Variants in CPA6 observed in about 807,000 individuals in gnomAD.
The protein encoded by CPA6 is carboxypeptidase A6, also known as carboxypeptidase B.
In CPA6, 58 loss-of-function variants were observed where a neutral mutation model predicts 63.3. The observed-to-expected ratio is 0.92, with a 90% CI of 0.74 to 1.14. The LOEUF (loss-of-function observed/expected upper bound fraction) is 1.14, where lower values mean the gene tolerates loss of function less well. Among genes scored for constraint, CPA6 ranks in the 50% most tolerant of loss-of-function variants. The probability of loss-of-function intolerance (pLI) is 0.00; values close to 1 mark genes in which losing one functional copy is unlikely to be tolerated. For missense variants in CPA6, 565 were observed against 526.6 expected, an observed-to-expected ratio of 1.07 and a Z score of -0.71; for synonymous variants, 185 against 179.0, an observed-to-expected ratio of 1.03 and a Z score of -0.27.
chr8:67,606,084 A>G (rs981545539), intron 2 of CPA6, among the ~76,000 whole-genome samples: 1 of 123,764 alleles, frequency 8.1e-6, no homozygotes. Context: ...TTTCAAGGAC[A>G]AAAAAACAAA....
At chr8:67,506,348 G>A (rs933565083) in intron 6 of CPA6, among the ~76,000 whole-genome samples, 23 of 152,172 alleles carry the variant, frequency 1.5e-4, no homozygotes, top group African/African-American at 5.5e-4. Context: ...GAGGGCACAA[G>A]CAATCCCTTG....
chr8:67,679,216 A>G (rs1207529720), intron 1 of CPA6, among the ~76,000 whole-genome samples: 1 of 152,240 alleles, frequency 6.6e-6, no homozygotes, highest in East Asian at 1.9e-4. Flanking sequence ...AAAAGTTGAC[A>G]TTACAAAACA....
chr8:67,717,718 A>G (rs1016929687), intron 1 of CPA6, among the ~76,000 whole-genome samples: 68 of 152,338 alleles, frequency 4.5e-4, no homozygotes, highest in African/African-American at 1.6e-3. Flanking sequence ...CAGATGTGAT[A>G]AAGTTAAGGA....
At chr8:67,722,349 A>T (rs1390402926) in intron 1 of CPA6, among the ~76,000 whole-genome samples, 2 of 152,210 alleles carry the variant, frequency 1.3e-5, no homozygotes, top group Non-Finnish European at 2.9e-5. Context: ...CAATTTCTGG[A>T]TACTCCAATT....
At chr8:67,624,484 A>G (rs1479768446) in intron 1 of CPA6, among the ~76,000 whole-genome samples, 1 of 152,222 alleles carries the variant, frequency 6.6e-6, no homozygotes, top group African/African-American at 2.4e-5. Context: ...ACTCACATTT[A>G]ATGTTATAAA....
Position 67,422,400 on chromosome 8 carries a change from G to T in CPA6, c.*104C>A. ...GGGTCTTTTTAAAGTCCATAGACAT[G>T]TTCACTCTAAGCAGCTGCCCTTCTC... On this transcript the variant is annotated 3_prime_UTR_variant, in exon 11 of 11. Transcript: ENST00000297770. 4.1e-6 allele frequency: 4 copies of T among 966,872 alleles called. No individual in the cohort carries two copies. In the South Asian group the frequency reaches 5.2e-5, roughly 13 times the overall value. 59.9% of individuals were successfully genotyped at this position (966,872 alleles called of 1,614,324 possible). A position where few individuals can be genotyped will look rare whatever the true frequency, so the allele number is the denominator to read the frequency against.
rs1563370676 is a variant in CPA6 at position 67,634,222 on chromosome 8, T to TTATTA, written c.117-9972_117-9971insTAATA. ...TATTATTATTATTATTATTATTATT[T>TTATTA]ATTTGTTTTTTTTTTGAGACGGAGT... On this transcript the variant is annotated intron_variant, in intron 1 of 10. Transcript: ENST00000297770. 6.0e-4 allele frequency among the ~76,000 whole-genome samples: 84 copies of TTATTA among 139,710 alleles called. 3 individuals carry two copies. Among genetic ancestry groups the TTATTA allele is most frequent in the Middle Eastern group, 3.8e-3 (1 of 264 alleles). 91.7% of individuals were successfully genotyped at this position (139,710 alleles called of 152,430 possible). A position where few individuals can be genotyped will look rare whatever the true frequency, so the allele number is the denominator to read the frequency against.
chr8:67,475,806 TTTCTTTCTTTCCTTTCTTTTCTTTC>T (rs1563967455), intron 8 of CPA6, among the ~76,000 whole-genome samples: 34 of 72,880 alleles, frequency 4.7e-4, no homozygotes, highest in Non-Finnish European at 6.4e-4. Context: ...TCTTTCTTTC[TTTCTTTCTTTCCTTTCTTTTCTTTC>T]TTTCTTTCTT....
In CPA6 at chr8:67,484,968, C is replaced by T. The variant is rs573179551; in HGVS notation, c.637-179G>A. 4.5e-4 allele frequency among the ~76,000 whole-genome samples: 68 copies of T among 152,340 alleles called. 1 individual carries two copies. The highest frequency in any genetic ancestry group is 6.8e-3 in the Middle Eastern group (2 of 294). The stretch of plus-strand genomic sequence containing the variant: ...TGTTAAGACTTCTGTCTGAATTAAA[C>T]TCTTTATTATCAATAATCTTTTAGC... On this transcript the variant is annotated intron_variant, in intron 6 of 10. Coordinates refer to ENST00000297770, the MANE Select transcript of CPA6 (RefSeq NM_020361.5).
chr8:67,531,277 T>C (rs916640888), intron 2 of CPA6, among the ~76,000 whole-genome samples: 1 of 152,026 alleles, frequency 6.6e-6, no homozygotes, highest in African/African-American at 2.4e-5. Context: ...TGAGGAGATA[T>C]ATCAGTAAGC....
At chr8:67,607,163 T>TTCC (rs1814668595) in intron 2 of CPA6, among the ~76,000 whole-genome samples, 2 of 57,428 alleles carry the variant, frequency 3.5e-5, no homozygotes, top group African/African-American at 1.7e-4. Context: ...CCTCTTCTTC[T>TTCC]TCTTCCTCTT....
rs76304628 is a variant in CPA6 at position 67,745,418 on chromosome 8, G to T, written c.116+596C>A. ...ATAGAAAGCATGCTTACCTACGGAG[G>T]GGGGACAAAACTGATTGTTTTACTC... On this transcript the variant is annotated intron_variant, in intron 1 of 10. Transcript: ENST00000297770. 7.0e-4 allele frequency among the ~76,000 whole-genome samples: 107 copies of T among 152,232 alleles called. 1 individual carries two copies. The South Asian group carries it at 0.021, about 30-fold the overall frequency.
chr8:67,642,623 C>A (rs914703726), intron 1 of CPA6, among the ~76,000 whole-genome samples: 5 of 152,128 alleles, frequency 3.3e-5, no homozygotes, highest in Admixed American at 3.3e-4. Context: ...GACTGTGGAA[C>A]TGGCATGAGG....
intron 6 of CPA6, among the ~76,000 whole-genome samples, chr8:67,493,534 C>G (rs537175622): frequency 1.3e-5 from 2 of 152,134 alleles, no homozygotes; most frequent in African/African-American, 4.8e-5. Flanking sequence ...ACCTGCTTCC[C>G]TGAAAGTCTC....
At chr8:67,454,188 T>A (rs1432173705) in intron 8 of CPA6, among the ~76,000 whole-genome samples, 1 of 152,350 alleles carries the variant, frequency 6.6e-6, no homozygotes, top group East Asian at 1.9e-4. Context: ...AACATGGAAA[T>A]AAATTAATTT....
At chr8:67,659,854 A>C (rs529226736) in intron 1 of CPA6, among the ~76,000 whole-genome samples, 1 of 152,356 alleles carries the variant, frequency 6.6e-6, no homozygotes, top group Non-Finnish European at 1.5e-5. Flanking sequence ...CACATTTTAT[A>C]AAACGTTGCC....
At chr8:67,631,431 A>G (rs907855430) in intron 1 of CPA6, among the ~76,000 whole-genome samples, 1 of 152,134 alleles carries the variant, frequency 6.6e-6, no homozygotes, top group Non-Finnish European at 1.5e-5. Context: ...AGGTTTGTAA[A>G]CACACCAATC....
At chr8:67,632,255 C>T (rs1306480635) in intron 1 of CPA6, among the ~76,000 whole-genome samples, 1 of 151,956 alleles carries the variant, frequency 6.6e-6, no homozygotes, top group Non-Finnish European at 1.5e-5. Context: ...ACTGTAACCT[C>T]GAACTTGTGA....
chr8:67,470,858 A>G (rs1410945788), intron 8 of CPA6, among the ~76,000 whole-genome samples: 1 of 152,204 alleles, frequency 6.6e-6, no homozygotes, highest in African/African-American at 2.4e-5. Context: ...CTTTTATTAT[A>G]TTTTGAAAGC....
Sources: allele counts gnomAD v4.1 joint callset (sites outside exome capture counted in the v4.1 genomes callset), GRCh38; gene constraint gnomAD v4.1.1; transcripts MANE v1.5; gene names NCBI Gene and HGNC (gene_info 2026-07-23, HGNC 2026-07-21).